GTPBP10: variants seen among roughly 807,000 people sequenced by gnomAD.
GTPBP10 encodes GTP binding protein 10.
In GTPBP10, 38 loss-of-function variants were observed where a neutral mutation model predicts 44.8. The observed-to-expected ratio is 0.85, with a 90% confidence interval of 0.65 to 1.11. The LOEUF (loss-of-function observed/expected upper bound fraction) is 1.11, where lower values mean the gene tolerates loss of function less well. Ranked by LOEUF, GTPBP10 falls within the 50% of genes most tolerant of loss-of-function variation. The pLI, the probability that GTPBP10 is intolerant of heterozygous loss-of-function variation, is 0.00. For missense variants in GTPBP10, 462 were observed against 453.7 expected (o/e 1.02, Z -0.17); for synonymous variants, 152 against 150.6 (o/e 1.01, Z -0.07).
intron 5 of GTPBP10, among the ~76,000 whole-genome samples, chr7:90,374,030 G>T (rs1166372886): frequency 6.6e-6 from 1 of 152,080 alleles, no homozygotes; most frequent in East Asian, 1.9e-4. Context: ...TAGAAACAGG[G>T]TCTCACTATG....
At chr7:90,366,014 G>C (rs986458459) in intron 4 of GTPBP10, among the ~76,000 whole-genome samples, 2 of 152,216 alleles carry the variant, frequency 1.3e-5, no homozygotes, top group African/African-American at 4.8e-5. Context: ...TGCATCTATT[G>C]AGATAATCAT....
At chr7:90,369,776 G>C (rs551371408) in intron 4 of GTPBP10, among the ~76,000 whole-genome samples, 5 of 152,248 alleles carry the variant, frequency 3.3e-5, no homozygotes, top group African/African-American at 1.2e-4. Flanking sequence ...TGTGCTTCCC[G>C]GGTGAAGCAA....
intron 4 of GTPBP10, among the ~76,000 whole-genome samples, chr7:90,370,460 A>G (rs946610748): frequency 2.0e-5 from 3 of 152,132 alleles, no homozygotes; most frequent in African/African-American, 4.8e-5. Flanking sequence ...TCCAAGTGCC[A>G]CATATTGTCA....
At chr7:90,371,895 G>T (rs1297909383) in intron 4 of GTPBP10, among the ~76,000 whole-genome samples, 2 of 151,742 alleles carry the variant, frequency 1.3e-5, no homozygotes, top group African/African-American at 2.4e-5. Flanking sequence ...TTTTTTCTAT[G>T]ACTTCCAATG....
rs147554486 is a variant in GTPBP10, at chr7:90,348,631, G to A, written c.33+1857G>A. ...CTCTCTTGGGTGGCAGAGGCAGAAGGGGTGGGGGTGGAGGAGGTGGAAGGG... is the reference window on the plus strand; with the variant it reads ...CTCTCTTGGGTGGCAGAGGCAGAAGAGGTGGGGGTGGAGGAGGTGGAAGGG... On this transcript the variant is annotated intron_variant, in intron 1 of 9. Transcript: ENST00000222511. Among the ~76,000 whole-genome samples, 5 of 152,136 alleles carry A rather than the reference G, an allele frequency of 3.3e-5. No individual in the cohort carries two copies. In the East Asian group the frequency reaches 9.7e-4, roughly 29 times the overall value.
intron 8 of GTPBP10, among the ~76,000 whole-genome samples, chr7:90,380,011 T>G (rs1369904610): frequency 2.0e-5 from 3 of 152,184 alleles, no homozygotes; most frequent in Non-Finnish European, 4.4e-5. Context: ...ACTATTTGTA[T>G]TATTTGTCTT....
chr7:90,379,684 G>C (rs1562960879), intron 8 of GTPBP10, among the ~76,000 whole-genome samples: 1 of 152,176 alleles, frequency 6.6e-6, no homozygotes, highest in Non-Finnish European at 1.5e-5. Flanking sequence ...TGTATACTTA[G>C]GAGTGGAATT....
In GTPBP10 at chr7:90,346,717, G is replaced by C; in HGVS notation, c.-25G>C. The stretch of plus-strand genomic sequence containing the variant: ...ACTGCGGCTTGTGCCGCTTCCGCAA[G>C]AAGGTTTCCTGGCCTGTTGCAGCCA... On this transcript the variant is annotated 5_prime_UTR_variant, in exon 1 of 10. Transcript: ENST00000222511. The C allele has an allele frequency of 6.2e-7, 1 of 1,611,104 alleles. No individual in the cohort carries two copies. The highest frequency in any genetic ancestry group is 8.5e-7 in the Non-Finnish European group (1 of 1,177,150).
In GTPBP10 at chr7:90,386,602, A is replaced by G. The variant is rs1796528890; in HGVS notation, c.*1448A>G. 6.6e-6 allele frequency: 1 copy of G among 152,222 alleles called. No homozygotes were observed. The highest frequency in any genetic ancestry group is 1.5e-5 in the Non-Finnish European group (1 of 68,048). The allele number at this position is 152,222 out of a possible 1,614,324, so 9.4% of individuals were successfully genotyped here. A position where few individuals can be genotyped will look rare whatever the true frequency, so the allele number is the denominator to read the frequency against. On this transcript the variant is annotated 3_prime_UTR_variant, in exon 10 of 10. Transcript: ENST00000222511. ...AGCGGTACATGCCTGTAATCCTAGC[A>G]CTTTGGGATGCCAAGGCGGGAGGAT...
intron 1 of GTPBP10, chr7:90,347,543 T>A: frequency 1.7e-6 from 1 of 597,828 alleles, no homozygotes; most frequent in Non-Finnish European, 2.1e-6. Flanking sequence ...CTATCCTAAA[T>A]GACTAGAGAT....
At chr7:90,370,852 A>G (rs550103154) in intron 4 of GTPBP10, among the ~76,000 whole-genome samples, 5 of 151,930 alleles carry the variant, frequency 3.3e-5, no homozygotes, top group Non-Finnish European at 4.4e-5. Flanking sequence ...GAAAATACAA[A>G]AAAAATTAGC....
At chr7:90,375,225 G>A (rs1444250055) in intron 6 of GTPBP10, among the ~76,000 whole-genome samples, 1 of 152,060 alleles carries the variant, frequency 6.6e-6, no homozygotes. Flanking sequence ...GATTTCCAGG[G>A]TTAGGGAGGA....
chr7:90,370,571 A>C (rs973885960), intron 4 of GTPBP10, among the ~76,000 whole-genome samples: 1 of 152,064 alleles, frequency 6.6e-6, no homozygotes. Context: ...GGAGGGATGA[A>C]AAACTATCTG....
intron 4 of GTPBP10, among the ~76,000 whole-genome samples, chr7:90,362,546 C>G (rs1166971171): frequency 6.6e-6 from 1 of 152,188 alleles, no homozygotes; most frequent in Admixed American, 6.5e-5. Context: ...GAGTGCTTTA[C>G]TTCCAACTAT....
intron 4 of GTPBP10, among the ~76,000 whole-genome samples, chr7:90,367,762 G>A (rs1562957806): frequency 1.3e-5 from 2 of 151,956 alleles, no homozygotes; most frequent in South Asian, 4.2e-4. Context: ...TTTTAATTGG[G>A]GCATTTAGCC....
chr7:90,379,838 T>G (rs1262903891), intron 8 of GTPBP10, among the ~76,000 whole-genome samples: 1 of 152,204 alleles, frequency 6.6e-6, no homozygotes, highest in African/African-American at 2.4e-5. Context: ...CTTGTTATTG[T>G]CTGTCGTTTT....
At chr7:90,380,629 C>A (rs1796420591) in intron 8 of GTPBP10, among the ~76,000 whole-genome samples, 2 of 152,132 alleles carry the variant, frequency 1.3e-5, no homozygotes, top group South Asian at 4.1e-4. Context: ...CATGATCCAT[C>A]ATCTTACATA....
intron 4 of GTPBP10, among the ~76,000 whole-genome samples, chr7:90,369,525 G>A (rs765312344): frequency 6.6e-6 from 1 of 152,150 alleles, no homozygotes; most frequent in Admixed American, 6.6e-5. Flanking sequence ...CAGCAATTGC[G>A]GATACCCCTC....
At chr7:90,349,813 T>A (rs958246158) in intron 1 of GTPBP10, among the ~76,000 whole-genome samples, 2 of 152,194 alleles carry the variant, frequency 1.3e-5, no homozygotes. Flanking sequence ...TTCGTCTCAG[T>A]GATTTTCTTA....
Sources: allele counts gnomAD v4.1 joint callset (sites outside exome capture counted in the v4.1 genomes callset), GRCh38; gene constraint gnomAD v4.1.1; transcripts MANE v1.5; gene names NCBI Gene and HGNC (gene_info 2026-07-23, HGNC 2026-07-21).